The following SLC7A9 variants were observed in gnomAD, a reference collection of about 807,000 sequenced individuals.
SLC7A9 encodes solute carrier family 7 member 9.
Under a neutral mutation model 54.1 loss-of-function variants are expected in SLC7A9, and 38 were observed. That is an observed-to-expected ratio of 0.70 (90% CI 0.54 to 0.92). SLC7A9 has a LOEUF of 0.92. Ranked by LOEUF, SLC7A9 falls within the 40% of genes least tolerant of loss-of-function variation. The pLI is 0.00. For synonymous variants in SLC7A9, 264 were observed against 258.9 expected (o/e 1.02, Z -0.19); for missense variants, 537 against 636.1 (o/e 0.84, Z 1.68).
At position 32,860,480 on chromosome 19, in the gene SLC7A9, A is replaced by C. The variant is rs1301510828; in HGVS notation, c.749+126T>G. The C allele has an allele frequency of 5.9e-5, 90 of 1,532,326 alleles. 1 individual carries two copies. In the Admixed American group the frequency reaches 2.0e-3, roughly 35 times the overall value. 94.9% of individuals were successfully genotyped at this position (1,532,326 alleles called of 1,614,324 possible). A position where few individuals can be genotyped will look rare whatever the true frequency, so the allele number is the denominator to read the frequency against. Reference sequence around the variant, plus strand: ...AGCAAGACTCTGTCTCAAAAAAAAAAAAAAAGAAATAATTCACTGTCGGGA... The same window carrying C: ...AGCAAGACTCTGTCTCAAAAAAAAACAAAAAGAAATAATTCACTGTCGGGA... On this transcript the variant is annotated intron_variant, in intron 7 of 12. Coordinates refer to ENST00000023064, the MANE Select transcript of SLC7A9 (RefSeq NM_014270.5).
At chr19:32,857,473 T>C (rs1322886663) in intron 9 of SLC7A9, among the ~76,000 whole-genome samples, 1 of 144,714 alleles carries the variant, frequency 6.9e-6, no homozygotes, top group Non-Finnish European at 1.5e-5. Flanking sequence ...AAATTTAAAT[T>C]TAAAATTTAT....
intron 9 of SLC7A9, among the ~76,000 whole-genome samples, chr19:32,844,951 T>A (rs966146246): frequency 6.9e-6 from 1 of 145,496 alleles, no homozygotes; most frequent in Non-Finnish European, 1.5e-5. Flanking sequence ...GATCATGAGA[T>A]TAGAAGTTCA....
At chr19:32,847,385 G>A (rs1427271882) in intron 9 of SLC7A9, among the ~76,000 whole-genome samples, 1 of 152,200 alleles carries the variant, frequency 6.6e-6, no homozygotes, top group Non-Finnish European at 1.5e-5. Context: ...ACTACGTGAA[G>A]AATGCAGAAG....
At chr19:32,835,799 T>C (rs1258046442) in intron 11 of SLC7A9, among the ~76,000 whole-genome samples, 3 of 152,166 alleles carry the variant, frequency 2.0e-5, no homozygotes, top group African/African-American at 4.8e-5. Context: ...ATATATTTAA[T>C]GTAATGGAGC....
rs146359100 is a variant in SLC7A9 at position 32,868,490 on chromosome 19, C to G, written c.45G>C (p.Ser15=). 2.5e-6 allele frequency: 4 copies of G among 1,614,126 alleles called. No homozygotes were observed. The African/African-American group carries it at 4.0e-5, about 16-fold the overall frequency. The part of the protein sequence containing the change: ...GLRKRREDEK[S]IQSQEPKTTS... ...TGGTCTTAGGCTCTTGGCTCTGGAT[C>G]GACTTCTCATCCTCTCTCCGCTTTC... is the stretch of plus-strand genomic sequence containing the variant. The change falls in exon 2 of 13, where the codon TCG becomes TCC. Residue 15 remains serine (S), a synonymous_variant. Transcript: ENST00000023064.
At chr19:32,860,709 C>T (rs1386371229) in intron 6 of SLC7A9, 59 bp from the exon 7 acceptor site, 6 of 1,604,596 alleles carry the variant, frequency 3.7e-6, no homozygotes, top group Non-Finnish European at 4.3e-6. Flanking sequence ...GATAATGAAA[C>T]CCACAATAAT....
chr19:32,865,151 C>G (rs1968930822), intron 2 of SLC7A9, among the ~76,000 whole-genome samples: 1 of 152,188 alleles, frequency 6.6e-6, no homozygotes, highest in African/African-American at 2.4e-5. Flanking sequence ...GACTTGGCAA[C>G]AGCTCACCAA....
At chr19:32,854,186 T>C (rs1254307003) in intron 9 of SLC7A9, among the ~76,000 whole-genome samples, 1 of 151,992 alleles carries the variant, frequency 6.6e-6, no homozygotes, top group Non-Finnish European at 1.5e-5. Flanking sequence ...CTAAGTCTAT[T>C]GTACTTTTTG....
chr19:32,852,144 C>T (rs1282978238), intron 9 of SLC7A9, among the ~76,000 whole-genome samples: 1 of 151,784 alleles, frequency 6.6e-6, no homozygotes, highest in Non-Finnish European at 1.5e-5. Flanking sequence ...GCACATTGTG[C>T]ACATGTACCC....
intron 11 of SLC7A9, among the ~76,000 whole-genome samples, chr19:32,836,964 G>T (rs752790662): frequency 6.6e-6 from 1 of 152,098 alleles, no homozygotes; most frequent in African/African-American, 2.4e-5. Flanking sequence ...ATTTTTCACA[G>T]CTTTGAAGAT....
intron 9 of SLC7A9, among the ~76,000 whole-genome samples, chr19:32,848,590 C>T (rs1302228647): frequency 1.4e-4 from 22 of 152,132 alleles, no homozygotes; most frequent in Admixed American, 1.4e-3. Context: ...TAATGGGAGA[C>T]TTTAACACCC....
Position 32,830,608 on chromosome 19 carries a change from A to G in SLC7A9, c.*12T>C. ...TAAATTCAGCTGACTTGGCTACAAGAGACGGAGCTTGTTACTCAGGGTCTT... is the reference window on the plus strand; with the variant it reads ...TAAATTCAGCTGACTTGGCTACAAGGGACGGAGCTTGTTACTCAGGGTCTT... On this transcript the variant is annotated 3_prime_UTR_variant, in exon 13 of 13. Coordinates refer to ENST00000023064, the MANE Select transcript of SLC7A9 (RefSeq NM_014270.5). The G allele has an allele frequency of 6.2e-7, 1 of 1,606,738 alleles. No homozygotes were observed. Among genetic ancestry groups the G allele is most frequent in the Non-Finnish European group, 8.5e-7 (1 of 1,173,208 alleles).
intron 11 of SLC7A9, among the ~76,000 whole-genome samples, chr19:32,835,939 G>A (rs1354963902): frequency 1.3e-5 from 2 of 150,462 alleles, no homozygotes; most frequent in East Asian, 3.9e-4. Context: ...GTGTGTGTCC[G>A]AGTCTCACTT....
chr19:32,844,806 G>A (rs1428326523), intron 9 of SLC7A9, among the ~76,000 whole-genome samples: 1 of 119,278 alleles, frequency 8.4e-6, no homozygotes, highest in Non-Finnish European at 1.6e-5. Flanking sequence ...AGCTAAGATC[G>A]CACCATTGCA....
chr19:32,852,162 TAAAGTG>T (rs1356925576), intron 9 of SLC7A9, among the ~76,000 whole-genome samples: 2 of 151,730 alleles, frequency 1.3e-5, no homozygotes, highest in Non-Finnish European at 2.9e-5. Context: ...CCCTAAAACT[TAAAGTG>T]TAATAATAAT....
intron 9 of SLC7A9, among the ~76,000 whole-genome samples, chr19:32,852,739 C>G (rs1968504353): frequency 6.6e-6 from 1 of 152,020 alleles, no homozygotes. Flanking sequence ...ATCTTTTTAT[C>G]AGTCCTCCAG....
intron 7 of SLC7A9, 161 bp from the exon 8 acceptor site, chr19:32,860,125 C>T (rs1203359159): frequency 1.3e-6 from 2 of 1,544,620 alleles, no homozygotes; most frequent in African/African-American, 2.7e-5. Flanking sequence ...CTCTCAGACT[C>T]CAGAGCAGTT....
chr19:32,832,131 A>G (rs926612417), intron 12 of SLC7A9, among the ~76,000 whole-genome samples: 3 of 151,306 alleles, frequency 2.0e-5, no homozygotes, highest in African/African-American at 7.3e-5. Context: ...CAAAACAACA[A>G]CAAGGAAATT....
In SLC7A9 at chr19:32,864,876, C is replaced by A. The variant is rs530824823; in HGVS notation, c.88-100G>T. 2.1e-5 allele frequency: 32 copies of A among 1,513,640 alleles called. No individual in the cohort carries two copies. The East Asian group carries it at 7.2e-4, about 34-fold the overall frequency. 93.8% of individuals were successfully genotyped at this position (1,513,640 alleles called of 1,614,324 possible). A position where few individuals can be genotyped will look rare whatever the true frequency, so the allele number is the denominator to read the frequency against. ...TCGGTACGGCCAGGGCGGCCCCAGC[C>A]AAAGCCCATGTCCCAGGCGCTTCCA... On this transcript the variant is annotated intron_variant, in intron 2 of 12. Transcript: ENST00000023064.
Sources: gnomAD v4.1 joint callset for allele counts (sites outside exome capture counted in the v4.1 genomes callset) on GRCh38, gnomAD v4.1.1 for gene constraint, MANE v1.5 for transcripts, NCBI Gene and HGNC (gene_info 2026-07-23, HGNC 2026-07-21) for gene names.